Variants in NTM observed in about 807,000 individuals in gnomAD.
NTM encodes neurotrimin, also known as IgLON family member 2.
Under a neutral mutation model 42.1 loss-of-function variants are expected in NTM, and 13 were observed. The observed-to-expected ratio is 0.31, with a 90% CI of 0.20 to 0.49. NTM has a LOEUF of 0.49. Ranked by LOEUF, NTM falls within the 20% of genes least tolerant of loss-of-function variation. NTM has a pLI of 0.99. For synonymous variants in NTM, 187 were observed against 179.2 expected (o/e 1.04, Z -0.35); for missense variants, 373 against 452.8 (o/e 0.82, Z 1.60).
intron 3 of NTM, among the ~76,000 whole-genome samples, chr11:132,181,100 G>T (rs2077513257): frequency 6.6e-6 from 1 of 152,126 alleles, no homozygotes; most frequent in East Asian, 1.9e-4. Context: ...TACTCTTTCT[G>T]TCATAATTGA....
chr11:131,812,000 G>T (rs1159271504), intron 1 of NTM, among the ~76,000 whole-genome samples: 3 of 152,168 alleles, frequency 2.0e-5, no homozygotes, highest in Non-Finnish European at 4.4e-5. Flanking sequence ...GTTGTATGGA[G>T]GTTGTTAGCA....
chr11:131,931,743 C>A (rs2058651890), intron 2 of NTM, among the ~76,000 whole-genome samples: 1 of 152,124 alleles, frequency 6.6e-6, no homozygotes, highest in African/African-American at 2.4e-5. Context: ...ACCTTGTAAT[C>A]TGGCATGTGG....
At chr11:131,622,505 TC>T (rs2062678983) in intron 1 of NTM, among the ~76,000 whole-genome samples, 1 of 152,202 alleles carries the variant, frequency 6.6e-6, no homozygotes, top group African/African-American at 2.4e-5. Flanking sequence ...TTAATTCATT[TC>T]TATTAATATT....
At chr11:131,385,723 G>C (rs1260187565) in intron 1 of NTM, among the ~76,000 whole-genome samples, 1 of 152,090 alleles carries the variant, frequency 6.6e-6, no homozygotes, top group Non-Finnish European at 1.5e-5. Flanking sequence ...CAGGCGCAGA[G>C]GTGCACACCT....
At chr11:131,985,622 T>G (rs1406078381) in intron 2 of NTM, among the ~76,000 whole-genome samples, 1 of 152,046 alleles carries the variant, frequency 6.6e-6, no homozygotes, top group African/African-American at 2.4e-5. Flanking sequence ...GACATCTTCC[T>G]GGGGTAAGGG....
At chr11:131,767,668 G>A (rs959111717) in intron 1 of NTM, among the ~76,000 whole-genome samples, 2 of 152,144 alleles carry the variant, frequency 1.3e-5, no homozygotes, top group Non-Finnish European at 2.9e-5. Flanking sequence ...AGAATCCACC[G>A]GCACTGTGAC....
At chr11:132,242,039 A>G (rs972024025) in intron 4 of NTM, among the ~76,000 whole-genome samples, 1 of 152,220 alleles carries the variant, frequency 6.6e-6, no homozygotes, top group Non-Finnish European at 1.5e-5. Context: ...GTACTTTGCA[A>G]TGGCACAATA....
chr11:131,878,936 A>C (rs1269198024), intron 1 of NTM, among the ~76,000 whole-genome samples: 1 of 151,868 alleles, frequency 6.6e-6, no homozygotes, highest in African/African-American at 2.4e-5. Flanking sequence ...AACGGCTCTC[A>C]CTTCCTTGCC....
chr11:131,690,048 T>C (rs1017915607), intron 1 of NTM, among the ~76,000 whole-genome samples: 3 of 152,156 alleles, frequency 2.0e-5, no homozygotes, highest in Non-Finnish European at 4.4e-5. Context: ...GAATTCATGA[T>C]GAGATCTCAT....
chr11:132,319,196 G>A (rs548488100), intron 7 of NTM, among the ~76,000 whole-genome samples: 32 of 152,264 alleles, frequency 2.1e-4, no homozygotes, highest in East Asian at 9.7e-4. Flanking sequence ...TGTGAGCGAC[G>A]CAAAAGACAG....
intron 4 of NTM, among the ~76,000 whole-genome samples, chr11:132,299,991 G>A (rs913769206): frequency 6.6e-6 from 1 of 151,890 alleles, no homozygotes; most frequent in East Asian, 1.9e-4. Flanking sequence ...TAAGCTCTCA[G>A]CAGTTCTTAC....
At position 131,472,839 on chromosome 11, in the gene NTM, G is replaced by C. The variant is rs74323014; in HGVS notation, c.82+101951G>C. On this transcript the variant is annotated intron_variant, in intron 1 of 8. Transcript: ENST00000683400. ...AGACATTCAATCCAGCCTCATGCCT[G>C]TCTGACTCCGAAGCCCACATTACTT... 5.0e-3 allele frequency among the ~76,000 whole-genome samples: 765 copies of C among 152,196 alleles called. 5 individuals are homozygous for C. Among genetic ancestry groups the C allele is most frequent in the African/African-American group, 0.017 (718 of 41,504 alleles).
At chr11:131,401,832 A>ATG (rs1294217689) in intron 1 of NTM, among the ~76,000 whole-genome samples, 4 of 82,252 alleles carry the variant, frequency 4.9e-5, no homozygotes, top group African/African-American at 1.4e-4. Context: ...ATATATATAT[A>ATG]TATATATATA....
intron 1 of NTM, among the ~76,000 whole-genome samples, chr11:131,881,623 A>G (rs928387600): frequency 6.6e-6 from 1 of 152,046 alleles, no homozygotes; most frequent in African/African-American, 2.4e-5. Flanking sequence ...TTACTCCTCC[A>G]CTAAGAAAAG....
At chr11:131,799,325 A>G (rs1175437395) in intron 1 of NTM, among the ~76,000 whole-genome samples, 1 of 152,166 alleles carries the variant, frequency 6.6e-6, no homozygotes, top group Non-Finnish European at 1.5e-5. Context: ...GAATTCTTGG[A>G]TGTCTAGCTC....
Position 132,307,604 on chromosome 11 carries a change from AC to A in NTM, c.527-83del, listed in dbSNP as rs1205378609. The A allele has an allele frequency of 7.7e-6, 12 of 1,566,974 alleles. 1 individual carries two copies. In the African/African-American group the frequency reaches 1.6e-4, roughly 21 times the overall value. On this transcript the variant is annotated intron_variant, in intron 4 of 8. Coordinates refer to ENST00000683400, the MANE Select transcript of NTM (RefSeq NM_001352005.2). ...AACTGGCAAATTATCTGCAGACATA[AC>A]CATTTTATACTTTGTTTTCTAAGTG... is the stretch of plus-strand genomic sequence containing the variant.
intron 1 of NTM, among the ~76,000 whole-genome samples, chr11:131,390,351 C>G (rs73022113): frequency 0.01 from 1,579 of 152,214 alleles, 20 homozygotes; most frequent in Middle Eastern, 0.065. Context: ...GGCCTCACCT[C>G]CAATACTGGA....
chr11:131,401,272 G>A (rs537887970), intron 1 of NTM, among the ~76,000 whole-genome samples: 12 of 152,252 alleles, frequency 7.9e-5, no homozygotes, highest in Middle Eastern at 3.4e-3. Context: ...ATCCCATCAA[G>A]AGAGCTGTAG....
chr11:131,741,992 C>T (rs998264461), intron 1 of NTM, among the ~76,000 whole-genome samples: 2 of 152,138 alleles, frequency 1.3e-5, no homozygotes, highest in Admixed American at 6.5e-5. Flanking sequence ...CCAAATACCG[C>T]ATGTTTTCAC....
Sources: allele counts gnomAD v4.1 joint callset (sites outside exome capture counted in the v4.1 genomes callset), GRCh38; gene constraint gnomAD v4.1.1; transcripts MANE v1.5; gene names NCBI Gene and HGNC (gene_info 2026-07-23, HGNC 2026-07-21).